The following STXBP5 variants were observed in gnomAD, a reference collection of about 807,000 sequenced individuals.
STXBP5 encodes syntaxin binding protein 5.
Under a neutral mutation model 152.4 loss-of-function variants are expected in STXBP5, and 50 were observed. The ratio of observed to expected loss-of-function variants is 0.33; its 90% CI spans 0.26 to 0.42. The LOEUF is 0.42. Among genes scored for constraint, STXBP5 ranks in the 10% least tolerant of loss-of-function variants. STXBP5 has a pLI of 1.00. For missense variants in STXBP5, 1,167 were observed against 1,388.6 expected (o/e 0.84, Z 2.54); for synonymous variants, 492 against 494.7 (o/e 0.99, Z 0.07).
intron 18 of STXBP5, among the ~76,000 whole-genome samples, chr6:147,328,523 T>A (rs1255710586): frequency 6.6e-6 from 1 of 152,220 alleles, no homozygotes; most frequent in Non-Finnish European, 1.5e-5. Context: ...GATATAGACC[T>A]TTCTGTTACT....
chr6:147,323,754 C>T (rs2128383434), intron 16 of STXBP5, among the ~76,000 whole-genome samples: 1 of 152,286 alleles, frequency 6.6e-6, no homozygotes, highest in African/African-American at 2.4e-5. Context: ...CTGCAAAGTA[C>T]TTTTCATAGG....
chr6:147,375,621 A>G (rs1785773712), intron 26 of STXBP5, among the ~76,000 whole-genome samples: 2 of 150,688 alleles, frequency 1.3e-5, no homozygotes, highest in East Asian at 3.9e-4. Flanking sequence ...GAATACTTAT[A>G]TATAAATATA....
At chr6:147,329,783 A>G (rs1396620397) in intron 18 of STXBP5, among the ~76,000 whole-genome samples, 2 of 151,352 alleles carry the variant, frequency 1.3e-5, no homozygotes, top group African/African-American at 4.9e-5. Flanking sequence ...CCGCTACCGC[A>G]CCCGGCTAAT....
chr6:147,342,398 A>C (rs762061966), intron 21 of STXBP5, among the ~76,000 whole-genome samples: 2 of 152,182 alleles, frequency 1.3e-5, no homozygotes, highest in Non-Finnish European at 2.9e-5. Flanking sequence ...CCTGACAATG[A>C]CCTTGATCTT....
intron 7 of STXBP5, among the ~76,000 whole-genome samples, chr6:147,272,325 C>G (rs1158746948): frequency 2.0e-5 from 3 of 152,146 alleles, no homozygotes; most frequent in Non-Finnish European, 4.4e-5. Context: ...CCTTGGTGAA[C>G]ACAGATGCCT....
chr6:147,213,215 G>A (rs927139497), intron 2 of STXBP5, among the ~76,000 whole-genome samples: 7 of 151,918 alleles, frequency 4.6e-5, no homozygotes, highest in Admixed American at 2.6e-4. Context: ...GGATCAATTT[G>A]GCTTTACCTT....
rs1410713755 is a variant in STXBP5 at position 147,387,052 on chromosome 6, A to T, written c.*2297A>T. 1 of 151,708 alleles carries T rather than the reference A, an allele frequency of 6.6e-6. No homozygotes were observed. The highest frequency in any genetic ancestry group is 1.5e-5 in the Non-Finnish European group (1 of 67,714). 9.4% of individuals were successfully genotyped at this position (151,708 alleles called of 1,614,324 possible). On this transcript the variant is annotated 3_prime_UTR_variant, in exon 28 of 28. Transcript: ENST00000321680. ...AAGAAAATCTTAAATCAGTGTTTTG[A>T]GTTATTTAATTTTTAAATTAATCTA...
At chr6:147,321,458 GACATC>G (rs1276641453) in intron 16 of STXBP5, among the ~76,000 whole-genome samples, 1 of 151,924 alleles carries the variant, frequency 6.6e-6, no homozygotes. Flanking sequence ...CAGGTGTGGC[GACATC>G]ACCTGTAGGC....
In STXBP5 at chr6:147,333,186, T is replaced by G. The variant is rs1783663887; in HGVS notation, c.2081-971T>G. Among the ~76,000 whole-genome samples, 3 of 152,188 alleles carry G rather than the reference T, an allele frequency of 2.0e-5. No homozygotes were observed. The South Asian group carries it at 6.2e-4, about 32-fold the overall frequency. On this transcript the variant is annotated intron_variant, in intron 18 of 27. Coordinates refer to ENST00000321680, the MANE Select transcript of STXBP5 (RefSeq NM_001127715.4). ...ATCTTAGATCTGTAAAAACCAGGTT[T>G]TCTTCCAGGACCATTAGTTTGATGA... is the stretch of plus-strand genomic sequence containing the variant.
chr6:147,361,982 G>A (rs970252712), intron 23 of STXBP5, among the ~76,000 whole-genome samples: 1 of 152,180 alleles, frequency 6.6e-6, no homozygotes. Flanking sequence ...TGGATGTAGA[G>A]TAGGGTTACT....
chr6:147,213,477 T>TGTGTGTGTGTGTGCGCGCGCGCGCGCGC, intron 2 of STXBP5, among the ~76,000 whole-genome samples: 76 of 131,250 alleles, frequency 5.8e-4, no homozygotes, highest in Non-Finnish European at 1.0e-3. Flanking sequence ...TGTGTGTGTG[T>TGTGTGTGTGTGTGCGCGCGCGCGCGCGC]GCGCGCGCAT....
rs1406670039 is a variant in STXBP5 at position 147,313,188 on chromosome 6, C to G, written c.1146-696C>G. 2.6e-5 allele frequency among the ~76,000 whole-genome samples: 4 copies of G among 152,120 alleles called. 1 individual carries two copies. In the South Asian group the frequency reaches 8.3e-4, roughly 32 times the overall value. ...AAAAAATTGTCAGTAGTAGACTGATCTAATTTTTGCAAATTAGCCACTTTG... is the reference window on the plus strand; with the variant it reads ...AAAAAATTGTCAGTAGTAGACTGATGTAATTTTTGCAAATTAGCCACTTTG... On this transcript the variant is annotated intron_variant, in intron 11 of 27. Transcript: ENST00000321680.
In STXBP5 at chr6:147,385,946, T is replaced by C. The variant is rs1786318247; in HGVS notation, c.*1191T>C. 6.6e-6 allele frequency: 1 copy of C among 152,102 alleles called. No individual in the cohort carries two copies. Among genetic ancestry groups the C allele is most frequent in the Non-Finnish European group, 1.5e-5 (1 of 67,964 alleles). 9.4% of individuals were successfully genotyped at this position (152,102 alleles called of 1,614,324 possible). On this transcript the variant is annotated 3_prime_UTR_variant, in exon 28 of 28. Transcript: ENST00000321680. ...TTTGTGTAGAAATATACTATAAATC[T>C]GTACATATCCTTTCAAGGTTTTAAA...
At chr6:147,231,834 AT>A (rs1221589217) in intron 2 of STXBP5, among the ~76,000 whole-genome samples, 1 of 151,862 alleles carries the variant, frequency 6.6e-6, no homozygotes, top group African/African-American at 2.4e-5. Context: ...CTTAATAAAA[AT>A]GTTAACTCAG....
chr6:147,303,027 C>T (rs536775208), intron 9 of STXBP5, among the ~76,000 whole-genome samples: 2 of 152,106 alleles, frequency 1.3e-5, no homozygotes, highest in South Asian at 2.1e-4. Context: ...AGAGGTTTTC[C>T]GTGGCTCTCG....
chr6:147,383,277 G>A (rs1010215331), intron 27 of STXBP5, among the ~76,000 whole-genome samples: 2 of 152,022 alleles, frequency 1.3e-5, no homozygotes, highest in African/African-American at 2.4e-5. Context: ...GTTTCTTAAG[G>A]AATGCGATAC....
At chr6:147,215,612 G>C (rs542856172) in intron 2 of STXBP5, among the ~76,000 whole-genome samples, 1 of 152,206 alleles carries the variant, frequency 6.6e-6, no homozygotes, top group East Asian at 1.9e-4. Context: ...GAACTCGTGA[G>C]CTCAAACCAT....
chr6:147,264,028 A>G (rs1273627800), intron 6 of STXBP5, among the ~76,000 whole-genome samples: 1 of 151,586 alleles, frequency 6.6e-6, no homozygotes, highest in Non-Finnish European at 1.5e-5. Context: ...AATTATATGG[A>G]TTATATATAT....
intron 1 of STXBP5, among the ~76,000 whole-genome samples, chr6:147,205,625 T>G (rs957449621): frequency 6.6e-6 from 1 of 152,168 alleles, no homozygotes; most frequent in African/African-American, 2.4e-5. Flanking sequence ...AAAGTATGAA[T>G]TGCATTTAAT....
Sources: allele counts gnomAD v4.1 joint callset (sites outside exome capture counted in the v4.1 genomes callset), GRCh38; gene constraint gnomAD v4.1.1; transcripts MANE v1.5; gene names NCBI Gene and HGNC (gene_info 2026-07-23, HGNC 2026-07-21).